BCAP29: variants seen among roughly 807,000 people sequenced by gnomAD.
BCAP29 encodes B cell receptor associated protein 29.
Under a neutral mutation model 31.8 loss-of-function variants are expected in BCAP29, and 34 were observed. The ratio of observed to expected loss-of-function variants is 1.07; its 90% confidence interval spans 0.81 to 1.42. The LOEUF is 1.42. Among genes scored for constraint, BCAP29 ranks in the 40% most tolerant of loss-of-function variants. The pLI, the probability that BCAP29 is intolerant of heterozygous loss-of-function variation, is 0.00. For missense variants in BCAP29, 314 were observed against 269.2 expected, an observed-to-expected ratio of 1.17 and a Z score of -1.16; for synonymous variants, 104 against 91.3, an observed-to-expected ratio of 1.14 and a Z score of -0.79.
rs372459029 is a variant in BCAP29, at chr7:107,592,721, C to T, written c.194-1234C>T. Among the ~76,000 whole-genome samples, 8 of 152,332 alleles carry T rather than the reference C, an allele frequency of 5.3e-5. 1 individual carries two copies. In the East Asian group the frequency reaches 9.6e-4, roughly 18 times the overall value. ...TGAATAGATAAACCAAATGTTACCACATTCATACAATGGAATATTATTCAG... is the reference window on the plus strand; with the variant it reads ...TGAATAGATAAACCAAATGTTACCATATTCATACAATGGAATATTATTCAG... On this transcript the variant is annotated intron_variant, in intron 3 of 7. Transcript: ENST00000005259.
intron 7 of BCAP29, chr7:107,615,931 T>C (rs1814048935): frequency 6.6e-6 from 1 of 152,416 alleles, no homozygotes; most frequent in African/African-American, 2.4e-5. Flanking sequence ...AGAGATGTTA[T>C]ATAATTTATC....
At position 107,588,744 on chromosome 7, in the gene BCAP29, A is replaced by G. The variant is rs141803020; in HGVS notation, c.193+4762A>G. 1.2e-4 allele frequency among the ~76,000 whole-genome samples: 18 copies of G among 152,346 alleles called. No homozygotes were observed. The East Asian group carries it at 3.5e-3, about 29-fold the overall frequency. On this transcript the variant is annotated intron_variant, in intron 3 of 7. Coordinates refer to ENST00000005259, the MANE Select transcript of BCAP29 (RefSeq NM_018844.4). ...ACTTAAGGGGTCAGAGGTCAGATAG[A>G]TTCAAAAATAAGAAGGATGTCTAAG...
rs1444835010 is a variant in BCAP29, at chr7:107,597,839, TAAAG to T, written c.480+1841_480+1844del. On this transcript the variant is annotated intron_variant, in intron 5 of 7. Transcript: ENST00000005259. ...ACCACTTTCTGTTCTGATATTCAGT[TAAAG>T]AAATGAAATAATTATGAAAGACCAA... Among the ~76,000 whole-genome samples the T allele has an allele frequency of 5.3e-5, 8 of 152,334 alleles. 2 individuals carry two copies. The highest frequency in any genetic ancestry group is 1.9e-4 in the African/African-American group (8 of 41,586).
At chr7:107,584,451 GTAATCCT>G (rs1807263171) in intron 3 of BCAP29, among the ~76,000 whole-genome samples, 2 of 152,252 alleles carry the variant, frequency 1.3e-5, no homozygotes, top group Admixed American at 1.3e-4. Context: ...GCTCAGGCCT[GTAATCCT>G]AGCACTTTGG....
At position 107,618,379 on chromosome 7, in the gene BCAP29, C is replaced by G. The variant is rs759912941; in HGVS notation, c.*16C>G. 13 of 1,609,002 alleles carry G rather than the reference C, an allele frequency of 8.1e-6. No homozygotes were observed. The South Asian group carries it at 1.3e-4, about 16-fold the overall frequency. On this transcript the variant is annotated 3_prime_UTR_variant, in exon 8 of 8. Transcript: ENST00000005259. ...AAGACTGTGAACTTTATAAAAGACA[C>G]TTGCAATATACTGTGTCAAAATGAT...
chr7:107,616,870 C>G lies in BCAP29; in HGVS notation c.691-1458C>G, dbSNP rs114558322. Among the ~76,000 whole-genome samples, 1,373 of 152,268 alleles carry G rather than the reference C, an allele frequency of 9.0e-3. 19 individuals carry two copies. Among genetic ancestry groups the G allele is most frequent in the African/African-American group, 0.029 (1,203 of 41,554 alleles). ...TCTTGTGCCTCAGCCTTCTGAGTGA[C>G]TGGGACTACAAGCACATGCCACCAT... On this transcript the variant is annotated intron_variant, in intron 7 of 7. Coordinates refer to ENST00000005259, the MANE Select transcript of BCAP29 (RefSeq NM_018844.4).
At chr7:107,618,189 C>T in intron 7 of BCAP29, 139 bp from the exon 8 acceptor site, 1 of 596,756 alleles carries the variant, frequency 1.7e-6, no homozygotes, top group Non-Finnish European at 2.6e-6. Flanking sequence ...AAATTTTAGA[C>T]TTTCTCAATC....
intron 1 of BCAP29, 140 bp from the exon 2 acceptor site, chr7:107,580,619 G>A: frequency 1.7e-6 from 1 of 600,724 alleles, no homozygotes; most frequent in Non-Finnish European, 2.9e-6. Context: ...TCCCCTTCCT[G>A]ACCGGGGTCC....
chr7:107,584,146 A>C (rs1807199047), intron 3 of BCAP29, among the ~76,000 whole-genome samples, 164 bp downstream of exon 3: 1 of 152,230 alleles, frequency 6.6e-6, no homozygotes, highest in Non-Finnish European at 1.5e-5. Flanking sequence ...GATAGATACT[A>C]CCATTCTGTA....
At chr7:107,613,462 A>G in intron 7 of BCAP29, 30 bp downstream of exon 7, 1 of 1,489,870 alleles carries the variant, frequency 6.7e-7, no homozygotes, top group Non-Finnish European at 9.3e-7. Context: ...TATGCACCTA[A>G]ATGTTTTGAA....
chr7:107,621,553 T>C, downstream of BCAP29: 2 of 373,294 alleles, frequency 5.4e-6, no homozygotes, highest in South Asian at 2.1e-5. Context: ...TATGATTAAG[T>C]TAAAGTCTTG....
chr7:107,595,244 G>A (rs1809602711), intron 4 of BCAP29, among the ~76,000 whole-genome samples: 1 of 152,114 alleles, frequency 6.6e-6, no homozygotes, highest in Non-Finnish European at 1.5e-5. Context: ...TCATTTTCTA[G>A]TGTCATTCAT....
At chr7:107,580,672 C>T (rs556966263) in intron 1 of BCAP29, 87 bp from the exon 2 acceptor site, 1 of 859,144 alleles carries the variant, frequency 1.2e-6, no homozygotes, top group African/African-American at 1.8e-5. Context: ...CACTGTCCAT[C>T]CCCTGGACAA....
intron 5 of BCAP29, among the ~76,000 whole-genome samples, chr7:107,599,964 C>T (rs375608845): frequency 6.6e-6 from 1 of 152,128 alleles, no homozygotes; most frequent in South Asian, 2.1e-4. Context: ...CTGACATATT[C>T]TTCTCTTACA....
At chr7:107,598,023 T>C (rs1810171588) in intron 5 of BCAP29, among the ~76,000 whole-genome samples, 1 of 152,182 alleles carries the variant, frequency 6.6e-6, no homozygotes, top group Non-Finnish European at 1.5e-5. Flanking sequence ...CAGATTTCAG[T>C]GTTCTTGGTC....
intron 6 of BCAP29, among the ~76,000 whole-genome samples, chr7:107,612,944 G>A (rs547261923): frequency 2.0e-5 from 3 of 152,244 alleles, no homozygotes; most frequent in African/African-American, 7.2e-5. Flanking sequence ...TGGACTAGCA[G>A]TGGAGAAAAT....
chr7:107,583,862 A>G lies in BCAP29; in HGVS notation c.93-20A>G, dbSNP rs1807143209. ...TTATTTTAGTTTTTTTATACCTAAT[A>G]TAATTGTATTGCTTTACAGATGGCA... On this transcript the variant is annotated intron_variant, in intron 2 of 7. Coordinates refer to ENST00000005259, the MANE Select transcript of BCAP29 (RefSeq NM_018844.4). 2 of 1,341,776 alleles carry G rather than the reference A, an allele frequency of 1.5e-6. No individual in the cohort carries two copies. The highest frequency in any genetic ancestry group is 2.1e-6 in the Non-Finnish European group (2 of 970,976). The allele number at this position is 1,341,776 out of a possible 1,614,324, so 83.1% of individuals were successfully genotyped here. A position where few individuals can be genotyped will look rare whatever the true frequency, so the allele number is the denominator to read the frequency against.
At chr7:107,593,418 A>G (rs1453844566) in intron 3 of BCAP29, among the ~76,000 whole-genome samples, 1 of 152,238 alleles carries the variant, frequency 6.6e-6, no homozygotes, top group Non-Finnish European at 1.5e-5. Flanking sequence ...GCTGCTATGC[A>G]CTAGTCGGAG....
intron 3 of BCAP29, among the ~76,000 whole-genome samples, chr7:107,584,320 C>T (rs550555647): frequency 6.6e-6 from 1 of 152,224 alleles, no homozygotes; most frequent in South Asian, 2.1e-4. Flanking sequence ...CCTAGGCACC[C>T]AGGAGCTTAG....
Sources: gnomAD v4.1 joint callset for allele counts (sites outside exome capture counted in the v4.1 genomes callset) on GRCh38, gnomAD v4.1.1 for gene constraint, MANE v1.5 for transcripts, NCBI Gene and HGNC (gene_info 2026-07-23, HGNC 2026-07-21) for gene names.